The following CSMD2 variants were observed in gnomAD, a reference collection of about 807,000 sequenced individuals.
CSMD2 encodes the protein CUB and sushi domain-containing protein 2.
A neutral mutation model predicts 398.5 loss-of-function variants in CSMD2; 130 were observed. The observed-to-expected ratio is 0.33, with a 90% confidence interval of 0.28 to 0.38. CSMD2 has a LOEUF of 0.38. Ranked by LOEUF, CSMD2 falls within the 10% of genes least tolerant of loss-of-function variation. The probability of loss-of-function intolerance (pLI) is 1.00; values close to 1 mark genes in which losing one functional copy is unlikely to be tolerated. For missense variants in CSMD2, 3,829 were observed against 4,764.9 expected (o/e 0.80, Z 5.78); for synonymous variants, 1,828 against 1,908.5 (o/e 0.96, Z 1.10).
chr1:33,539,563 A>C (rs767586910), intron 60 of CSMD2, among the ~76,000 whole-genome samples: 1 of 152,250 alleles, frequency 6.6e-6, no homozygotes, highest in Non-Finnish European at 1.5e-5. Context: ...TCTATTCAAA[A>C]ATGCACAGTG....
intron 3 of CSMD2, among the ~76,000 whole-genome samples, chr1:34,012,281 C>T (rs1647456079): frequency 6.6e-6 from 1 of 152,116 alleles, no homozygotes; most frequent in Non-Finnish European, 1.5e-5. Flanking sequence ...AGTCCTTCAC[C>T]TCTTTCACCT....
chr1:33,738,962 C>T (rs1163440999), intron 15 of CSMD2, among the ~76,000 whole-genome samples, 178 bp downstream of exon 15: 1 of 152,198 alleles, frequency 6.6e-6, no homozygotes, highest in East Asian at 1.9e-4. Context: ...AATTCCTACG[C>T]ACAGTGGCCT....
At chr1:33,824,899 C>T (rs1658607199) in intron 7 of CSMD2, among the ~76,000 whole-genome samples, 1 of 152,072 alleles carries the variant, frequency 6.6e-6, no homozygotes, top group Admixed American at 6.5e-5. Context: ...TACCACTCGG[C>T]CCAGAAGGAA....
At chr1:33,615,681 T>C (rs1245950859) in intron 39 of CSMD2, among the ~76,000 whole-genome samples, 2 of 152,240 alleles carry the variant, frequency 1.3e-5, no homozygotes, top group African/African-American at 4.8e-5. Flanking sequence ...AAACCCCTAA[T>C]GAACAGCAGC....
chr1:33,651,826 A>C (rs187120374), intron 28 of CSMD2, among the ~76,000 whole-genome samples: 10 of 152,292 alleles, frequency 6.6e-5, no homozygotes, highest in Admixed American at 5.9e-4. Context: ...CAGGGGGTTG[A>C]GAGTGAACGG....
intron 1 of CSMD2, among the ~76,000 whole-genome samples, chr1:34,134,517 G>A (rs946903454): frequency 8.6e-5 from 13 of 152,042 alleles, no homozygotes; most frequent in African/African-American, 3.1e-4. Flanking sequence ...ATCTTAAAGG[G>A]AAAAAGGTCT....
chr1:33,652,588 G>T, intron 27 of CSMD2, 127 bp from the exon 28 acceptor site: 1 of 990,214 alleles, frequency 1.0e-6, no homozygotes. Flanking sequence ...CCTGGCTTAG[G>T]GACTCAGGAG....
intron 32 of CSMD2, among the ~76,000 whole-genome samples, chr1:33,629,285 T>C (rs1281898436): frequency 6.6e-6 from 1 of 151,872 alleles, no homozygotes; most frequent in African/African-American, 2.4e-5. Context: ...AACTTGAAAA[T>C]TAGAGATGGG....
chr1:34,042,121 T>A (rs1651914162), intron 2 of CSMD2, among the ~76,000 whole-genome samples: 1 of 152,222 alleles, frequency 6.6e-6, no homozygotes, highest in South Asian at 2.1e-4. Flanking sequence ...AGTCTATTAG[T>A]ACATTGGGTT....
rs1467606159 is a variant in CSMD2 at position 33,662,901 on chromosome 1, A to G, written c.4244T>C (p.Ile1415Thr). Residue 1415 changes from isoleucine to threonine, a missense_variant, in exon 26 of 71, where the codon ATT (isoleucine) becomes ACT (threonine). Ile to Thr is a moderately conservative substitution (Grantham distance 89). Around this residue, in one of 5 missense-constraint regions of CSMD2, gnomAD observed 2,001 missense variants for 2,567.1 expected, o/e 0.78. Transcript: ENST00000373381. ...GGGCACGCACAGACCTGAAAATTGA[A>G]TGGCAAAGCCCTGCTTGCTGGTGAA... Reference protein sequence around the residue: ...DFFTSKQGFAIQFSVSTATSC... With the variant: ...DFFTSKQGFATQFSVSTATSC... 5 of 1,614,046 alleles carry G rather than the reference A, an allele frequency of 3.1e-6. No individual in the cohort carries two copies. The highest frequency in any genetic ancestry group is 4.2e-6 in the Non-Finnish European group (5 of 1,180,028).
intron 2 of CSMD2, among the ~76,000 whole-genome samples, chr1:34,063,279 T>C (rs138298277): frequency 6.6e-6 from 1 of 152,290 alleles, no homozygotes; most frequent in African/African-American, 2.4e-5. Flanking sequence ...CCCAAAGTCT[T>C]AACTCAGTTC....
intron 2 of CSMD2, among the ~76,000 whole-genome samples, chr1:34,052,188 CACACACATCACACAT>C (rs1653256815): frequency 6.6e-6 from 1 of 151,700 alleles, no homozygotes; most frequent in Admixed American, 6.6e-5. Flanking sequence ...CACACACACA[CACACACATCACACAT>C]ACACACAGTA....
intron 65 of CSMD2, among the ~76,000 whole-genome samples, chr1:33,526,085 T>G (rs947263292): frequency 3.9e-5 from 6 of 152,334 alleles, no homozygotes; most frequent in South Asian, 2.1e-4. Flanking sequence ...AATGTATACA[T>G]ATAGAATAAC....
chr1:33,713,909 T>C (rs1646072719), intron 21 of CSMD2, among the ~76,000 whole-genome samples: 2 of 152,210 alleles, frequency 1.3e-5, no homozygotes, highest in African/African-American at 2.4e-5. Context: ...GCCTCAACAC[T>C]GCCTGACACA....
At chr1:34,140,715 C>CT (rs1298052964) in intron 1 of CSMD2, among the ~76,000 whole-genome samples, 2 of 152,198 alleles carry the variant, frequency 1.3e-5, no homozygotes, top group African/African-American at 4.8e-5. Flanking sequence ...GGATTTAAGC[C>CT]TGGGTCTCTC....
At chr1:33,864,869 A>T (rs942289886) in intron 5 of CSMD2, 9 of 692,164 alleles carry the variant, frequency 1.3e-5, no homozygotes, top group Non-Finnish European at 1.9e-5. Flanking sequence ...GGCTTGGTAG[A>T]GGAGAGACTG....
chr1:33,759,324 C>CTTTTTTTTTTTTTTTTT (rs756784492), intron 13 of CSMD2, among the ~76,000 whole-genome samples: 1 of 124,792 alleles, frequency 8.0e-6, no homozygotes, highest in Non-Finnish European at 1.7e-5. Context: ...CTTTTTTTTT[C>CTTTTTTTTTTTTTTTTT]TTTTTTTTTT....
At chr1:33,931,537 T>C (rs1411278308) in intron 4 of CSMD2, among the ~76,000 whole-genome samples, 1 of 152,100 alleles carries the variant, frequency 6.6e-6, no homozygotes, top group East Asian at 1.9e-4. Flanking sequence ...AGTCATTTTA[T>C]TCTCTCCCAG....
At chr1:33,821,262 A>G (rs1658112190) in intron 7 of CSMD2, among the ~76,000 whole-genome samples, 1 of 152,170 alleles carries the variant, frequency 6.6e-6, no homozygotes, top group Non-Finnish European at 1.5e-5. Context: ...TATTTACAAA[A>G]ACCATATGCA....
Sources: gnomAD v4.1 joint callset for allele counts (sites outside exome capture counted in the v4.1 genomes callset) on GRCh38, gnomAD v4.1.1 for gene constraint, gnomAD v4.1.1 regional missense constraint, MANE v1.5 for transcripts, NCBI Gene and HGNC (gene_info 2026-07-23, HGNC 2026-07-21) for gene names.